SLC39A11: variants seen among roughly 807,000 people sequenced by gnomAD.
SLC39A11 encodes the protein zinc transporter ZIP11.
SLC39A11 carries 33 observed loss-of-function variants against 36.1 expected under a neutral mutation model. The ratio of observed to expected loss-of-function variants is 0.91; its 90% CI spans 0.69 to 1.22. The LOEUF (loss-of-function observed/expected upper bound fraction) is 1.22, where lower values mean the gene tolerates loss of function less well. Ranked by LOEUF, SLC39A11 falls within the 50% of genes most tolerant of loss-of-function variation. The pLI, the probability that SLC39A11 is intolerant of heterozygous loss-of-function variation, is 0.00. For missense variants in SLC39A11, 432 were observed against 430.3 expected (o/e 1.00, Z -0.03); for synonymous variants, 166 against 170.3 (o/e 0.97, Z 0.20).
At chr17:72,988,341 A>C (rs574668544) in intron 4 of SLC39A11, among the ~76,000 whole-genome samples, 1 of 152,282 alleles carries the variant, frequency 6.6e-6, no homozygotes, top group African/African-American at 2.4e-5. Context: ...CATGCCTGCA[A>C]TCCCAGCTAC....
intron 6 of SLC39A11, among the ~76,000 whole-genome samples, chr17:72,747,975 T>C (rs1361767188): frequency 6.6e-6 from 1 of 152,144 alleles, no homozygotes; most frequent in East Asian, 1.9e-4. Context: ...AAGATACATG[T>C]GGGGAAAGAT....
At chr17:72,979,165 G>T (rs1342710876) in intron 4 of SLC39A11, among the ~76,000 whole-genome samples, 1 of 152,090 alleles carries the variant, frequency 6.6e-6, no homozygotes, top group African/African-American at 2.4e-5. Context: ...TTTATAAGGG[G>T]CTCCTCCCCC....
intron 6 of SLC39A11, among the ~76,000 whole-genome samples, chr17:72,816,249 T>C (rs1246863686): frequency 2.0e-5 from 3 of 152,228 alleles, no homozygotes; most frequent in African/African-American, 4.8e-5. Context: ...TCCCTACATG[T>C]TGGGGAGAAC....
At chr17:72,900,204 A>AGAAGGAAGGAAG (rs1567913038) in intron 5 of SLC39A11, among the ~76,000 whole-genome samples, 3 of 137,618 alleles carry the variant, frequency 2.2e-5, no homozygotes, top group African/African-American at 8.8e-5. Context: ...AAAGAAAGAA[A>AGAAGGAAGGAAG]GAAAGAAAGA....
chr17:72,657,112 A>C (rs2070164857), intron 7 of SLC39A11, among the ~76,000 whole-genome samples: 1 of 152,170 alleles, frequency 6.6e-6, no homozygotes, highest in African/African-American at 2.4e-5. Flanking sequence ...CTGTAATCCC[A>C]ACACTTTGGG....
intron 6 of SLC39A11, among the ~76,000 whole-genome samples, chr17:72,769,736 G>A (rs1268199190): frequency 2.0e-5 from 3 of 151,992 alleles, no homozygotes; most frequent in Non-Finnish European, 4.4e-5. Context: ...GTAGAGACAG[G>A]GTTTCACCAT....
intron 6 of SLC39A11, among the ~76,000 whole-genome samples, chr17:72,794,804 C>G (rs908435380): frequency 6.6e-6 from 1 of 152,054 alleles, no homozygotes; most frequent in African/African-American, 2.4e-5. Flanking sequence ...TTATCTTTTG[C>G]TGTATAACAA....
chr17:73,045,386 T>TAAAAAAA (rs374832995), intron 3 of SLC39A11, among the ~76,000 whole-genome samples: 1 of 41,720 alleles, frequency 2.4e-5, no homozygotes, highest in Admixed American at 4.3e-4. Context: ...AAAACAGAGT[T>TAAAAAAA]AAAAAAAAAA....
At chr17:72,697,544 C>T (rs1388624613) in intron 7 of SLC39A11, among the ~76,000 whole-genome samples, 2 of 152,182 alleles carry the variant, frequency 1.3e-5, no homozygotes, top group Admixed American at 1.3e-4. Flanking sequence ...CCATCACCAC[C>T]ACACCATCTC....
chr17:72,902,168 G>A (rs1390821348), intron 5 of SLC39A11, among the ~76,000 whole-genome samples: 2 of 152,110 alleles, frequency 1.3e-5, no homozygotes, highest in South Asian at 2.1e-4. Flanking sequence ...CTACTCCGGA[G>A]GCTGAGGCAG....
chr17:72,795,570 C>G (rs970339198), intron 6 of SLC39A11, among the ~76,000 whole-genome samples: 2 of 152,100 alleles, frequency 1.3e-5, no homozygotes, highest in African/African-American at 2.4e-5. Flanking sequence ...AGAAGTGAAC[C>G]ACTGAGAAGT....
chr17:72,743,775 T>A (rs2567468), intron 6 of SLC39A11, among the ~76,000 whole-genome samples: 1 of 152,064 alleles, frequency 6.6e-6, no homozygotes, highest in Non-Finnish European at 1.5e-5. Flanking sequence ...GGAAAAATGC[T>A]GACTGATGCT....
chr17:72,786,765 G>A (rs1320471653), intron 6 of SLC39A11, among the ~76,000 whole-genome samples: 1 of 152,184 alleles, frequency 6.6e-6, no homozygotes, highest in Non-Finnish European at 1.5e-5. Flanking sequence ...TGTGAGAGAT[G>A]CTGAGGACTG....
intron 7 of SLC39A11, among the ~76,000 whole-genome samples, chr17:72,677,869 A>G (rs2071341585): frequency 6.6e-6 from 1 of 152,162 alleles, no homozygotes; most frequent in South Asian, 2.1e-4. Flanking sequence ...GAGGGAGAGA[A>G]GGCTACCGAC....
Position 72,659,322 on chromosome 17 carries a change from A to G in SLC39A11, c.672-10054T>C, listed in dbSNP as rs192115968. ...TGATTTTGGCGGAGACAGATGATCC[A>G]GGAAACCTTTGTGGAGAAAGCAACA... On this transcript the variant is annotated intron_variant, in intron 7 of 9. Transcript: ENST00000255559. Among the ~76,000 whole-genome samples, 187 of 152,350 alleles carry G rather than the reference A, an allele frequency of 1.2e-3. 1 individual carries two copies. The highest frequency in any genetic ancestry group is 9.0e-4 in the Non-Finnish European group (61 of 68,020).
chr17:72,788,294 C>A (rs186399821), intron 6 of SLC39A11, among the ~76,000 whole-genome samples: 1 of 152,344 alleles, frequency 6.6e-6, no homozygotes, highest in East Asian at 1.9e-4. Context: ...AGCCTTCTGA[C>A]ACTGCCTGTC....
chr17:72,844,724 T>A (rs1159483849), intron 6 of SLC39A11, among the ~76,000 whole-genome samples: 1 of 152,196 alleles, frequency 6.6e-6, no homozygotes, highest in Non-Finnish European at 1.5e-5. Context: ...CAGAAATCTA[T>A]AACTCTAGCT....
At chr17:72,850,379 G>A (rs933971132) in intron 5 of SLC39A11, among the ~76,000 whole-genome samples, 52 of 152,066 alleles carry the variant, frequency 3.4e-4, no homozygotes, top group African/African-American at 1.0e-3. Flanking sequence ...GCTTGAGCCC[G>A]GGAAGTTGAG....
At chr17:72,805,331 GC>G (rs556770787) in intron 6 of SLC39A11, among the ~76,000 whole-genome samples, 12 of 152,258 alleles carry the variant, frequency 7.9e-5, no homozygotes, top group Non-Finnish European at 1.6e-4. Flanking sequence ...AGTAGCTCAA[GC>G]TTGCCTACTC....
Sources: allele counts gnomAD v4.1 joint callset (sites outside exome capture counted in the v4.1 genomes callset), GRCh38; gene constraint gnomAD v4.1.1; transcripts MANE v1.5; gene names NCBI Gene and HGNC (gene_info 2026-07-23, HGNC 2026-07-21).